The following CD72 variants were observed in gnomAD, a reference collection of about 807,000 sequenced individuals.
CD72 encodes the protein B-cell differentiation antigen CD72.
In CD72, 28 loss-of-function variants were observed where a neutral mutation model predicts 50.7. The ratio of observed to expected loss-of-function variants is 0.55; its 90% confidence interval spans 0.41 to 0.76. CD72 has a LOEUF of 0.76. Ranked by LOEUF, CD72 falls within the 30% of genes least tolerant of loss-of-function variation. The pLI is 0.00. For missense variants in CD72, 403 were observed against 420.6 expected, an observed-to-expected ratio of 0.96 and a Z score of 0.37; for synonymous variants, 176 against 171.2, an observed-to-expected ratio of 1.03 and a Z score of -0.22.
chr9:35,617,320 C>T (rs1246944601), intron 2 of CD72, 73 bp from the exon 3 acceptor site: 2 of 1,471,214 alleles, frequency 1.4e-6, no homozygotes, highest in Non-Finnish European at 1.8e-6. Context: ...GCACCCGCTT[C>T]GCCCTCGCCA....
chr9:35,615,137 C>T (rs945412257), intron 5 of CD72, among the ~76,000 whole-genome samples: 3 of 152,110 alleles, frequency 2.0e-5, no homozygotes, highest in Admixed American at 2.0e-4. Flanking sequence ...CTGCTAAGAG[C>T]AGCCCTGGCA....
chr9:35,616,369 A>G (rs922590064), intron 4 of CD72, 91 bp from the exon 5 acceptor site: 7 of 1,040,096 alleles, frequency 6.7e-6, no homozygotes, highest in Non-Finnish European at 9.9e-6. Flanking sequence ...TGCTTCTTGC[A>G]ACTTTTTGCA....
intron 1 of CD72, among the ~76,000 whole-genome samples, chr9:35,627,661 AC>A (rs937429805): frequency 2.0e-5 from 3 of 152,168 alleles, no homozygotes; most frequent in Non-Finnish European, 4.4e-5. Context: ...TGGCTCACCC[AC>A]TGGGCAAGTA....
chr9:35,616,062 G>C lies in CD72; in HGVS notation c.569C>G (p.Ala190Gly), dbSNP rs1213851965. The C allele has an allele frequency of 1.2e-6, 2 of 1,614,084 alleles. No individual in the cohort carries two copies. The highest frequency in any genetic ancestry group is 8.5e-7 in the Non-Finnish European group (1 of 1,180,018). The change falls in exon 5 of 9, where the codon GCA becomes GGA. Residue 190 changes from alanine to glycine, a missense_variant. Transcript: ENST00000259633. ...GGTCTCCTTCGTCTTCTGTCTGTCT[G>C]CCTGGCAGGCCTGTAGCTGCCCTTC... is the stretch of plus-strand genomic sequence containing the variant. ...AAEGQLQACQ[A>G]DRQKTKETLQ...
chr9:35,640,830 C>T (rs1250861559), intron 1 of CD72, among the ~76,000 whole-genome samples: 3 of 152,242 alleles, frequency 2.0e-5, no homozygotes, highest in African/African-American at 7.2e-5. Flanking sequence ...TTGCCATTGC[C>T]GGCTTGAATG....
intron 1 of CD72, among the ~76,000 whole-genome samples, chr9:35,639,902 A>G (rs1001729604): frequency 2.0e-5 from 3 of 152,224 alleles, no homozygotes; most frequent in Non-Finnish European, 4.4e-5. Flanking sequence ...CTGCTAACAA[A>G]ATTAATTCCT....
intron 4 of CD72, 89 bp from the exon 5 acceptor site, chr9:35,616,367 G>C: frequency 9.7e-7 from 1 of 1,032,198 alleles, no homozygotes; most frequent in Non-Finnish European, 1.4e-6. Context: ...TCTGCTTCTT[G>C]CAACTTTTTG....
At chr9:35,645,233 C>T (rs541425587) in intron 1 of CD72, among the ~76,000 whole-genome samples, 8 of 147,326 alleles carry the variant, frequency 5.4e-5, no homozygotes. Flanking sequence ...CATTAGCTTA[C>T]ATAGCCAAAA....
At chr9:35,623,365 C>T (rs1166477251), upstream of CD72, among the ~76,000 whole-genome samples, 1 of 152,174 alleles carries the variant, frequency 6.6e-6, no homozygotes, top group Admixed American at 6.5e-5. Flanking sequence ...TATAAACTGA[C>T]CCAGTGACTG....
intron 1 of CD72, among the ~76,000 whole-genome samples, chr9:35,638,183 C>G (rs1477047326): frequency 6.6e-6 from 1 of 152,158 alleles, no homozygotes; most frequent in South Asian, 2.1e-4. Flanking sequence ...TCCCTAGTCT[C>G]TGTTCCCAAT....
At chr9:35,637,163 C>T (rs1823298260) in intron 1 of CD72, among the ~76,000 whole-genome samples, 1 of 152,136 alleles carries the variant, frequency 6.6e-6, no homozygotes, top group African/African-American at 2.4e-5. Flanking sequence ...TACCCCCTGC[C>T]CGCAAAAAAT....
chr9:35,626,798 GT>G (rs1352974953), intron 1 of CD72, among the ~76,000 whole-genome samples: 3 of 151,822 alleles, frequency 2.0e-5, no homozygotes, highest in African/African-American at 7.3e-5. Context: ...GTATTACATT[GT>G]TTTTTAAGGT....
intron 1 of CD72, among the ~76,000 whole-genome samples, chr9:35,633,142 A>G (rs1484337603): frequency 1.4e-5 from 2 of 141,542 alleles, no homozygotes; most frequent in Non-Finnish European, 3.1e-5. Flanking sequence ...GGGTTTCACC[A>G]TGTTGCCCAG....
At chr9:35,638,440 A>G (rs2131788991) in intron 1 of CD72, among the ~76,000 whole-genome samples, 1 of 151,986 alleles carries the variant, frequency 6.6e-6, no homozygotes, top group Admixed American at 6.5e-5. Context: ...TCTGGCTTAC[A>G]GTTTTGTTCT....
intron 1 of CD72, among the ~76,000 whole-genome samples, chr9:35,625,811 A>G (rs1475415822): frequency 3.9e-5 from 6 of 152,330 alleles, no homozygotes; most frequent in Non-Finnish European, 8.8e-5. Context: ...TGCTCTATAC[A>G]TGGAAGAACA....
chr9:35,611,680 G>A (rs1822987093), intron 7 of CD72, 124 bp downstream of exon 7: 3 of 611,492 alleles, frequency 4.9e-6, no homozygotes, highest in Non-Finnish European at 8.8e-6. Context: ...CAGACAAATA[G>A]GCAATTACAG....
intron 1 of CD72, among the ~76,000 whole-genome samples, chr9:35,638,264 G>A (rs1823309668): frequency 1.3e-5 from 2 of 151,912 alleles, no homozygotes; most frequent in African/African-American, 4.8e-5. Context: ...GTGTTGCTGG[G>A]TCTTTTGAAT....
At chr9:35,616,760 C>T in intron 3 of CD72, 71 bp from the exon 4 acceptor site, 1 of 1,324,354 alleles carries the variant, frequency 7.6e-7, no homozygotes, top group South Asian at 1.2e-5. Context: ...GGGACAGGTC[C>T]GTGGGGGAGA....
At chr9:35,623,746 G>A (rs1185355789), upstream of CD72, among the ~76,000 whole-genome samples, 8 of 151,938 alleles carry the variant, frequency 5.3e-5, no homozygotes, top group Non-Finnish European at 1.0e-4. Context: ...GCGAAACCCC[G>A]TCTCTACTAA....
Sources: allele counts gnomAD v4.1 joint callset (sites outside exome capture counted in the v4.1 genomes callset), GRCh38; gene constraint gnomAD v4.1.1; transcripts MANE v1.5; gene names NCBI Gene and HGNC (gene_info 2026-07-23, HGNC 2026-07-21).